Variants in CEP55 observed in about 807,000 individuals in gnomAD.
CEP55 encodes centrosomal protein 55, also known as centrosomal protein of 55 kDa.
In CEP55, 57 loss-of-function variants were observed where a neutral mutation model predicts 63.2. The observed-to-expected ratio is 0.90, with a 90% CI of 0.73 to 1.13. The LOEUF (loss-of-function observed/expected upper bound fraction) is 1.13, where lower values mean the gene tolerates loss of function less well. CEP55 is among the 50% of genes most tolerant of loss of function. The pLI is 0.00. For missense variants in CEP55, 456 were observed against 518.9 expected, an observed-to-expected ratio of 0.88 and a Z score of 1.18; for synonymous variants, 178 against 191.6, an observed-to-expected ratio of 0.93 and a Z score of 0.59.
intron 1 of CEP55, among the ~76,000 whole-genome samples, chr10:93,499,782 A>C (rs989172044): frequency 6.6e-6 from 1 of 151,988 alleles, no homozygotes. Context: ...GACCTCCCAA[A>C]GTGCTGGGGC....
At chr10:93,497,325 G>A (rs992796120) in intron 1 of CEP55, among the ~76,000 whole-genome samples, 8 of 152,112 alleles carry the variant, frequency 5.3e-5, no homozygotes, top group Admixed American at 5.2e-4. Flanking sequence ...GAGTGCAATG[G>A]CACGATCTTG....
At chr10:93,500,285 C>T (rs2057620183) in intron 2 of CEP55, 51 bp downstream of exon 2, 9 of 1,436,710 alleles carry the variant, frequency 6.3e-6, no homozygotes, top group Non-Finnish European at 8.7e-6. Flanking sequence ...GAAAGCGATG[C>T]ATGAAGATTT....
intron 8 of CEP55, among the ~76,000 whole-genome samples, chr10:93,524,351 A>G (rs2134501107): frequency 6.6e-6 from 1 of 152,282 alleles, no homozygotes; most frequent in South Asian, 2.1e-4. Flanking sequence ...GAAATGGATA[A>G]ATTCCTCGAC....
intron 8 of CEP55, among the ~76,000 whole-genome samples, chr10:93,525,333 A>T (rs1468655730): frequency 6.6e-6 from 1 of 152,228 alleles, no homozygotes; most frequent in Non-Finnish European, 1.5e-5. Flanking sequence ...ACTCTCATTC[A>T]CAATTGCTTC....
rs751237566 is a variant in CEP55, at chr10:93,517,180, G to A, written c.925G>A (p.Glu309Lys). The change falls in exon 6 of 9, where the codon GAA becomes AAA. Residue 309 changes from glutamate (E) to lysine (K), a missense_variant. Transcript: ENST00000371485. ...AACAGAGAAGATACAAAAACTCAGGGAAGAGAATGATATTGCTAGGGGAAA... is the reference window on the plus strand; with the variant it reads ...AACAGAGAAGATACAAAAACTCAGGAAAGAGAATGATATTGCTAGGGGAAA... The part of the protein sequence containing the change: ...HKTEKIQKLR[E>K]ENDIARGKLE... 1.2e-6 allele frequency: 2 copies of A among 1,613,388 alleles called. No homozygotes were observed. Among genetic ancestry groups the A allele is most frequent in the African/African-American group, 1.3e-5 (1 of 74,884 alleles).
chr10:93,517,159 G>C lies in CEP55; in HGVS notation c.904G>C (p.Glu302Gln), dbSNP rs1294589412. 2 of 1,613,876 alleles carry C rather than the reference G, an allele frequency of 1.2e-6. No homozygotes were observed. The highest frequency in any genetic ancestry group is 1.1e-5 in the South Asian group (1 of 91,028). The change falls in exon 6 of 9, where the codon GAG (glutamate) becomes CAG (glutamine). Residue 302 changes from glutamate (E) to glutamine (Q), a missense_variant. Coordinates refer to ENST00000371485, the MANE Select transcript of CEP55 (RefSeq NM_018131.5). ...TCTGGAAGATGATAGGCATAAAACA[G>C]AGAAGATACAAAAACTCAGGGAAGA... is the stretch of plus-strand genomic sequence containing the variant. ...QHLEDDRHKT[E>Q]KIQKLREEND...
At chr10:93,502,611 A>T (rs1231135906) in intron 2 of CEP55, among the ~76,000 whole-genome samples, 1 of 152,178 alleles carries the variant, frequency 6.6e-6, no homozygotes, top group Non-Finnish European at 1.5e-5. Context: ...CACCTTCTAG[A>T]TTCAATACTG....
intron 6 of CEP55, 129 bp from the exon 7 acceptor site, chr10:93,518,748 A>C (rs1470434373): frequency 1.7e-6 from 1 of 600,294 alleles, no homozygotes; most frequent in South Asian, 2.3e-5. Context: ...AGCTGGAATG[A>C]TTCACCCCTG....
chr10:93,521,017 C>T (rs2057855467), intron 8 of CEP55, among the ~76,000 whole-genome samples: 1 of 152,164 alleles, frequency 6.6e-6, no homozygotes, highest in Non-Finnish European at 1.5e-5. Context: ...CTCCAGTCTA[C>T]AGCTCCCAGC....
At chr10:93,507,281 C>A (rs2134465377) in intron 4 of CEP55, among the ~76,000 whole-genome samples, 2 of 147,142 alleles carry the variant, frequency 1.4e-5, no homozygotes, top group South Asian at 4.5e-4. Flanking sequence ...GGCTGGAGTG[C>A]AGTGGCATCT....
rs1488471340 is a variant in CEP55, at chr10:93,517,009, C to T, written c.754C>T (p.Arg252Ter). 8.7e-6 allele frequency: 14 copies of T among 1,610,190 alleles called. No homozygotes were observed. Among genetic ancestry groups the T allele is most frequent in the African/African-American group, 2.7e-5 (2 of 74,784 alleles). ...ASAKKDLEVE[R>*]QTITQLSFEL... ...TGCAAAAAAAGATCTTGAGGTTGAA[C>T]GACAAACCATAACTCAGCTGAGTTT... Residue 252 changes from arginine (R) to a stop codon, truncating the protein, a stop_gained, in exon 6 of 9, where the codon CGA (arginine) becomes TGA (stop). Coordinates refer to ENST00000371485, the MANE Select transcript of CEP55 (RefSeq NM_018131.5). LOFTEE classifies it high-confidence loss of function.
Position 93,505,997 on chromosome 10 carries a change from G to A in CEP55, c.460-991G>A, listed in dbSNP as rs189672669. Among the ~76,000 whole-genome samples the A allele has an allele frequency of 4.4e-3, 676 of 152,086 alleles. 4 individuals are homozygous for A. The highest frequency in any genetic ancestry group is 0.03 in the South Asian group (143 of 4,812). ...TCTGCCTGCCTCGGCCTCCCAAAGT[G>A]CTGGGATTACAGGCATAAGCCTGAT... On this transcript the variant is annotated intron_variant, in intron 3 of 8. Coordinates refer to ENST00000371485, the MANE Select transcript of CEP55 (RefSeq NM_018131.5).
chr10:93,518,176 G>C (rs2057823200), intron 6 of CEP55, among the ~76,000 whole-genome samples: 1 of 150,572 alleles, frequency 6.6e-6, no homozygotes, highest in Admixed American at 6.6e-5. Context: ...CTGAGACAGG[G>C]TCTTGCTCTG....
chr10:93,506,066 C>T (rs932644458), intron 3 of CEP55, among the ~76,000 whole-genome samples: 2 of 151,616 alleles, frequency 1.3e-5, no homozygotes, highest in African/African-American at 4.9e-5. Flanking sequence ...TGCCTCAGCC[C>T]CCCGACTAGC....
chr10:93,525,180 T>C (rs985117310), intron 8 of CEP55, among the ~76,000 whole-genome samples: 9 of 152,048 alleles, frequency 5.9e-5, no homozygotes, highest in African/African-American at 2.2e-4. Context: ...TGATTGTATA[T>C]CTAGAAAACC....
rs1333952261 is a variant in CEP55 at position 93,523,768 on chromosome 10, AC to A, written c.1191+3962del. Among the ~76,000 whole-genome samples the A allele has an allele frequency of 3.3e-5, 5 of 152,264 alleles. 1 individual carries two copies. Among genetic ancestry groups the A allele is most frequent in the African/African-American group, 1.2e-4 (5 of 41,540 alleles). ...CAGACCACAGTGCAATCAAACTAGA[AC>A]TCAGGATTAAGAAACTCACTCAAAA... is the stretch of plus-strand genomic sequence containing the variant. On this transcript the variant is annotated intron_variant, in intron 8 of 8. Transcript: ENST00000371485.
At chr10:93,508,705 C>G (rs903647714) in intron 4 of CEP55, among the ~76,000 whole-genome samples, 2 of 152,130 alleles carry the variant, frequency 1.3e-5, no homozygotes. Flanking sequence ...ACACTCTTCC[C>G]CAGATATCTT....
intron 6 of CEP55, 100 bp from the exon 7 acceptor site, chr10:93,518,777 G>T: frequency 1.3e-6 from 1 of 750,804 alleles, no homozygotes. Flanking sequence ...GTGTTGTCCT[G>T]GTTAGAGATG....
chr10:93,503,973 CTT>C (rs774307972), intron 3 of CEP55, among the ~76,000 whole-genome samples: 9 of 138,498 alleles, frequency 6.5e-5, no homozygotes, highest in Admixed American at 7.2e-5. Context: ...ATCTTAGTTT[CTT>C]TTTTTTTTTT....
Sources: allele counts gnomAD v4.1 joint callset (sites outside exome capture counted in the v4.1 genomes callset), GRCh38; gene constraint gnomAD v4.1.1; transcripts MANE v1.5; gene names NCBI Gene and HGNC (gene_info 2026-07-23, HGNC 2026-07-21).